The following DLG2 variants were observed in gnomAD, a reference collection of about 807,000 sequenced individuals.
DLG2 encodes the protein disks large homolog 2.
Under a neutral mutation model 132.5 loss-of-function variants are expected in DLG2, and 45 were observed. The observed-to-expected ratio is 0.34, with a 90% CI of 0.27 to 0.44. The LOEUF is 0.44. Ranked by LOEUF, DLG2 falls within the 20% of genes least tolerant of loss-of-function variation. The pLI is 1.00. For synonymous variants in DLG2, 424 were observed against 419.6 expected, an observed-to-expected ratio of 1.01 and a Z score of -0.13; for missense variants, 1,045 against 1,196.9, an observed-to-expected ratio of 0.87 and a Z score of 1.87.
intron 6 of DLG2, among the ~76,000 whole-genome samples, chr11:84,535,965 A>ATATATATATATATATAT (rs1209865425): frequency 7.3e-5 from 11 of 151,330 alleles, no homozygotes; most frequent in Non-Finnish European, 1.3e-4. Context: ...ATATATATAT[A>ATATATATATATATATAT]AAACTTCTAG....
intron 8 of DLG2, among the ~76,000 whole-genome samples, chr11:84,183,488 TA>T (rs1164089923): frequency 6.6e-6 from 1 of 152,176 alleles, no homozygotes; most frequent in Admixed American, 6.6e-5. Flanking sequence ...AGTTATTAAT[TA>T]AAAAAATTCA....
At chr11:83,776,097 TAAATAAATAAATA>T (rs974203256) in intron 18 of DLG2, among the ~76,000 whole-genome samples, 2 of 151,330 alleles carry the variant, frequency 1.3e-5, no homozygotes, top group Admixed American at 6.6e-5. Context: ...GTCTCAAAAA[TAAATAAATAAATA>T]AAATAAATAA....
At chr11:83,639,627 G>A (rs2065878218) in intron 18 of DLG2, among the ~76,000 whole-genome samples, 2 of 151,822 alleles carry the variant, frequency 1.3e-5, no homozygotes, top group African/African-American at 4.8e-5. Context: ...GGATGGGGGA[G>A]GGATGGCATT....
At chr11:85,337,526 T>C (rs1161579999) in intron 3 of DLG2, among the ~76,000 whole-genome samples, 2 of 152,212 alleles carry the variant, frequency 1.3e-5, no homozygotes, top group African/African-American at 4.8e-5. Context: ...AATTATTGGG[T>C]GTAAGATGCA....
At chr11:84,579,189 G>A (rs1271883183) in intron 6 of DLG2, among the ~76,000 whole-genome samples, 2 of 13,404 alleles carry the variant, frequency 1.5e-4, no homozygotes, top group East Asian at 7.0e-3. Context: ...CATTATTCAC[G>A]TGTGTGTGTG....
At chr11:84,125,510 C>T (rs2094132558) in intron 9 of DLG2, among the ~76,000 whole-genome samples, 1 of 152,084 alleles carries the variant, frequency 6.6e-6, no homozygotes. Flanking sequence ...AGTTATGATG[C>T]TGAGGATCTT....
intron 11 of DLG2, among the ~76,000 whole-genome samples, chr11:84,023,206 A>G (rs2095444427): frequency 6.6e-6 from 1 of 152,140 alleles, no homozygotes; most frequent in African/African-American, 2.4e-5. Context: ...CAAACAAAAA[A>G]CAGTTCTTAA....
chr11:84,017,509 A>T (rs1396155081), intron 11 of DLG2, among the ~76,000 whole-genome samples: 2 of 152,040 alleles, frequency 1.3e-5, no homozygotes, highest in Admixed American at 6.6e-5. Flanking sequence ...ATCAAAGTGA[A>T]GTTTATATAT....
At chr11:83,776,392 C>G (rs1247878154) in intron 18 of DLG2, among the ~76,000 whole-genome samples, 1 of 152,158 alleles carries the variant, frequency 6.6e-6, no homozygotes, top group Non-Finnish European at 1.5e-5. Flanking sequence ...GTGAACATAG[C>G]TCACTGCATC....
chr11:83,699,176 A>G (rs2082429239), intron 18 of DLG2, among the ~76,000 whole-genome samples: 1 of 151,852 alleles, frequency 6.6e-6, no homozygotes, highest in Non-Finnish European at 1.5e-5. Flanking sequence ...GATGTCCCCA[A>G]TATATCACAT....
At chr11:85,206,525 TACA>T (rs2081905383) in intron 4 of DLG2, among the ~76,000 whole-genome samples, 1 of 152,164 alleles carries the variant, frequency 6.6e-6, no homozygotes, top group Non-Finnish European at 1.5e-5. Flanking sequence ...AAGCACCAAA[TACA>T]TGGTATATAA....
At chr11:85,059,705 T>G (rs540925012) in intron 6 of DLG2, among the ~76,000 whole-genome samples, 1 of 151,680 alleles carries the variant, frequency 6.6e-6, no homozygotes, top group South Asian at 2.1e-4. Context: ...GTTTCACAGG[T>G]GTAACTAATT....
At chr11:84,384,210 G>A (rs895636051) in intron 7 of DLG2, among the ~76,000 whole-genome samples, 11 of 150,840 alleles carry the variant, frequency 7.3e-5, no homozygotes, top group Non-Finnish European at 8.9e-5. Flanking sequence ...CTATTTCAAC[G>A]TTAATAATCT....
At chr11:84,509,101 A>C (rs1021853884) in intron 7 of DLG2, among the ~76,000 whole-genome samples, 1 of 152,242 alleles carries the variant, frequency 6.6e-6, no homozygotes, top group Non-Finnish European at 1.5e-5. Flanking sequence ...AGCTAGTGCT[A>C]ATATATATGA....
intron 3 of DLG2, among the ~76,000 whole-genome samples, chr11:85,482,875 C>A (rs528403783): frequency 2.6e-5 from 4 of 152,290 alleles, no homozygotes; most frequent in Non-Finnish European, 4.4e-5. Flanking sequence ...GCTCCAAGAC[C>A]ACCCCTTCTG....
chr11:84,077,211 C>G (rs2096841284), intron 10 of DLG2, among the ~76,000 whole-genome samples: 1 of 152,212 alleles, frequency 6.6e-6, no homozygotes, highest in Non-Finnish European at 1.5e-5. Context: ...TGTTTATACA[C>G]ACTCTCTCTA....
chr11:84,179,565 G>A (rs1287896254), intron 8 of DLG2, among the ~76,000 whole-genome samples: 1 of 152,162 alleles, frequency 6.6e-6, no homozygotes, highest in Non-Finnish European at 1.5e-5. Flanking sequence ...CCACGCTTTT[G>A]TGAGTTTTAC....
chr11:84,150,080 T>C lies in DLG2; in HGVS notation c.624+13381A>G, dbSNP rs146866042. 6.8e-3 allele frequency among the ~76,000 whole-genome samples: 1,040 copies of C among 152,258 alleles called. 15 individuals are homozygous for C. Among genetic ancestry groups the C allele is most frequent in the Non-Finnish European group, 7.6e-3 (514 of 68,002 alleles). ...CACATATGGATTTTAGATTAGTATT[T>C]TCTTATTCTGTGAAAAACAATGTTG... On this transcript the variant is annotated intron_variant, in intron 9 of 27. Coordinates refer to ENST00000376104, the MANE Select transcript of DLG2 (RefSeq NM_001142699.3).
intron 3 of DLG2, among the ~76,000 whole-genome samples, chr11:85,320,093 G>C (rs561017): frequency 0.86 from 131,134 of 151,864 alleles, 56,989 homozygotes; most frequent in Non-Finnish European, 0.92. Context: ...CCATGTGCTA[G>C]CAGCACATGC....
Sources: allele counts gnomAD v4.1 joint callset (sites outside exome capture counted in the v4.1 genomes callset), GRCh38; gene constraint gnomAD v4.1.1; transcripts MANE v1.5; gene names NCBI Gene and HGNC (gene_info 2026-07-23, HGNC 2026-07-21).